The following RSU1 variants were observed in gnomAD, a reference collection of about 807,000 sequenced individuals.
RSU1 encodes the protein Ras suppressor protein 1, also known as rsu-1.
In RSU1, 26 loss-of-function variants were observed where a neutral mutation model predicts 31.1. The ratio of observed to expected loss-of-function variants is 0.84; its 90% confidence interval spans 0.61 to 1.16. The LOEUF (loss-of-function observed/expected upper bound fraction) is 1.16. RSU1 is among the 50% of genes most tolerant of loss of function. RSU1 has a pLI of 0.00. For synonymous variants in RSU1, 164 were observed against 136.3 expected (o/e 1.20, Z -1.41); for missense variants, 320 against 339.1 (o/e 0.94, Z 0.44).
At chr10:16,676,468 C>G (rs1353537518) in intron 8 of RSU1, among the ~76,000 whole-genome samples, 1 of 152,192 alleles carries the variant, frequency 6.6e-6, no homozygotes, top group East Asian at 1.9e-4. Context: ...TTATCTCCCA[C>G]TGGGTCCCTC....
intron 8 of RSU1, among the ~76,000 whole-genome samples, chr10:16,631,324 C>T (rs1298915218): frequency 6.6e-6 from 1 of 152,148 alleles, no homozygotes; most frequent in Non-Finnish European, 1.5e-5. Context: ...ACAAATAAGC[C>T]CAGGGCGCAC....
At chr10:16,678,945 T>TA (rs944049774) in intron 8 of RSU1, among the ~76,000 whole-genome samples, 95 of 143,600 alleles carry the variant, frequency 6.6e-4, no homozygotes, top group Middle Eastern at 3.6e-3. Context: ...AGATTTGAAT[T>TA]AAAAAAAAAA....
intron 7 of RSU1, among the ~76,000 whole-genome samples, chr10:16,731,389 C>A (rs1313309430): frequency 6.7e-6 from 1 of 148,498 alleles, no homozygotes; most frequent in African/African-American, 2.5e-5. Flanking sequence ...GAGATAGCAC[C>A]ACTGCACTCG....
At chr10:16,790,086 T>C (rs1047245553) in intron 2 of RSU1, among the ~76,000 whole-genome samples, 5 of 152,282 alleles carry the variant, frequency 3.3e-5, no homozygotes, top group Admixed American at 2.6e-4. Flanking sequence ...ACTGTCCCTG[T>C]GATTTATGAT....
chr10:16,729,679 G>A (rs1024631704), intron 7 of RSU1, among the ~76,000 whole-genome samples: 8 of 152,258 alleles, frequency 5.3e-5, no homozygotes, highest in African/African-American at 1.7e-4. Context: ...GATTCAGATG[G>A]GTTAGGGGTT....
At chr10:16,614,284 T>A (rs572803775) in intron 8 of RSU1, among the ~76,000 whole-genome samples, 1 of 150,758 alleles carries the variant, frequency 6.6e-6, no homozygotes, top group Non-Finnish European at 1.5e-5. Context: ...TCCATGTTCT[T>A]ACTAACTTGT....
intron 8 of RSU1, among the ~76,000 whole-genome samples, chr10:16,684,165 G>A (rs1449794045): frequency 1.3e-5 from 2 of 152,152 alleles, no homozygotes; most frequent in Non-Finnish European, 2.9e-5. Flanking sequence ...TTACAGATGC[G>A]CATTTTCACC....
At chr10:16,783,842 A>G (rs915726975) in intron 2 of RSU1, among the ~76,000 whole-genome samples, 3 of 152,138 alleles carry the variant, frequency 2.0e-5, no homozygotes, top group South Asian at 4.1e-4. Context: ...CAATACAACC[A>G]TTAAAACAGT....
At chr10:16,715,152 C>T (rs1360054242) in intron 7 of RSU1, among the ~76,000 whole-genome samples, 3 of 152,312 alleles carry the variant, frequency 2.0e-5, no homozygotes, top group South Asian at 2.1e-4. Flanking sequence ...CATACTTCCT[C>T]GTCACTCTAG....
intron 8 of RSU1, among the ~76,000 whole-genome samples, chr10:16,630,065 T>C (rs1834223733): frequency 6.6e-6 from 1 of 152,156 alleles, no homozygotes; most frequent in South Asian, 2.1e-4. Flanking sequence ...TTTAAAGTTT[T>C]TAAATTTTTT....
chr10:16,693,345 C>G (rs959174763), intron 8 of RSU1, among the ~76,000 whole-genome samples: 21 of 152,304 alleles, frequency 1.4e-4, no homozygotes, highest in African/African-American at 4.8e-4. Context: ...GAGCATGGCG[C>G]TCAGGCTGCA....
rs1023843447 is a variant in RSU1 at position 16,730,909 on chromosome 10, C to T, written c.598+21630G>A. Among the ~76,000 whole-genome samples, 4 of 152,094 alleles carry T rather than the reference C, an allele frequency of 2.6e-5. No homozygotes were observed. The East Asian group carries it at 5.9e-4, about 22-fold the overall frequency. ...CGTGATCTTGGCTCATTACAACCTC[C>T]GTCTCCTGGGTTCAAGCGATTCTTG... is the stretch of plus-strand genomic sequence containing the variant. On this transcript the variant is annotated intron_variant, in intron 7 of 8. Coordinates refer to ENST00000345264, the MANE Select transcript of RSU1 (RefSeq NM_012425.4).
intron 7 of RSU1, among the ~76,000 whole-genome samples, chr10:16,746,328 T>C (rs1273805797): frequency 6.6e-6 from 1 of 152,148 alleles, no homozygotes; most frequent in East Asian, 1.9e-4. Context: ...CTGGGATTGG[T>C]GCAAATTAAG....
rs775996555 is a variant in RSU1 at position 16,593,404 on chromosome 10, T to C, written c.824A>G (p.Lys275Arg). The C allele has an allele frequency of 6.2e-7, 1 of 1,614,148 alleles. No individual in the cohort carries two copies. The highest frequency in any genetic ancestry group is 1.1e-5 in the South Asian group (1 of 91,066). Residue 275 changes from lysine (K) to arginine (R), a missense_variant, in exon 9 of 9, where the codon AAG becomes AGG. By Grantham distance (26) the Lys-to-Arg change is conservative. Transcript: ENST00000345264. ...ATGCCAATCCCTTCCTTATCTGTTC[T>C]TGGCTGCCAGGGGTTTCCGGCTGAT... ...KKISRKPLAA[K>R]NR
At chr10:16,784,616 G>A (rs1261728939) in intron 2 of RSU1, among the ~76,000 whole-genome samples, 8 of 152,174 alleles carry the variant, frequency 5.3e-5, no homozygotes. Context: ...GAGGTTTAAT[G>A]GACTCACAGT....
chr10:16,760,640 T>C (rs1165609585), intron 4 of RSU1, among the ~76,000 whole-genome samples: 1 of 152,036 alleles, frequency 6.6e-6, no homozygotes, highest in South Asian at 2.1e-4. Flanking sequence ...CCTGTCTCCA[T>C]CTGTTGTATT....
chr10:16,632,353 CTT>C (rs546757401), intron 8 of RSU1, among the ~76,000 whole-genome samples: 6 of 152,256 alleles, frequency 3.9e-5, no homozygotes, highest in African/African-American at 1.4e-4. Context: ...TTTTAAAACT[CTT>C]TGATTGGGAC....
intron 8 of RSU1, among the ~76,000 whole-genome samples, chr10:16,638,920 C>T (rs1236696262): frequency 1.3e-5 from 2 of 152,314 alleles, no homozygotes; most frequent in African/African-American, 4.8e-5. Flanking sequence ...CATCTTCCTC[C>T]TGTGTTTTAA....
chr10:16,661,283 AGTGC>A (rs772847598), intron 8 of RSU1, among the ~76,000 whole-genome samples: 1,929 of 115,912 alleles, frequency 0.017, 55 homozygotes, highest in African/African-American at 0.056. Flanking sequence ...ATATGTAGAG[AGTGC>A]GTGTGTGTGT....
Sources: allele counts gnomAD v4.1 joint callset (sites outside exome capture counted in the v4.1 genomes callset), GRCh38; gene constraint gnomAD v4.1.1; transcripts MANE v1.5; gene names NCBI Gene and HGNC (gene_info 2026-07-23, HGNC 2026-07-21).